PEBP4: variants seen among roughly 807,000 people sequenced by gnomAD.
PEBP4 encodes the protein phosphatidylethanolamine-binding protein 4.
Under a neutral mutation model 23.9 loss-of-function variants are expected in PEBP4, and 22 were observed. The observed-to-expected ratio is 0.92, with a 90% CI of 0.66 to 1.31. The LOEUF (loss-of-function observed/expected upper bound fraction) is 1.31. PEBP4 is among the 40% of genes most tolerant of loss of function. PEBP4 has a pLI of 0.00. For synonymous variants in PEBP4, 112 were observed against 99.3 expected, an observed-to-expected ratio of 1.13 and a Z score of -0.76; for missense variants, 324 against 281.7, an observed-to-expected ratio of 1.15 and a Z score of -1.07.
At chr8:22,795,113 ATATATATGTGTG>A (rs1384478757) in intron 4 of PEBP4, among the ~76,000 whole-genome samples, 1 of 131,078 alleles carries the variant, frequency 7.6e-6, no homozygotes, top group African/African-American at 2.9e-5. Flanking sequence ...AAATTATTTT[ATATATATGTGTG>A]TATATATATG....
chr8:22,924,688 C>A, intron 2 of PEBP4: 1 of 985,358 alleles, frequency 1.0e-6, no homozygotes, highest in Non-Finnish European at 1.2e-6. Flanking sequence ...GGGGAGCTTG[C>A]AGGGCTGACT....
intron 3 of PEBP4, among the ~76,000 whole-genome samples, chr8:22,821,126 G>C (rs1806848836): frequency 2.0e-5 from 3 of 152,180 alleles, no homozygotes; most frequent in African/African-American, 7.2e-5. Context: ...CCAGGAGGGT[G>C]CAGTGAGCCA....
intron 3 of PEBP4, among the ~76,000 whole-genome samples, chr8:22,845,398 G>A (rs951962120): frequency 6.6e-6 from 1 of 152,072 alleles, no homozygotes; most frequent in Non-Finnish European, 1.5e-5. Flanking sequence ...TGCTGGGTGT[G>A]GTGGTGTGTG....
chr8:22,761,470 G>A (rs951267928), intron 4 of PEBP4, among the ~76,000 whole-genome samples: 2 of 152,168 alleles, frequency 1.3e-5, no homozygotes, highest in Non-Finnish European at 2.9e-5. Flanking sequence ...ATTTCCCAAC[G>A]TATCCCTCTG....
At position 22,814,650 on chromosome 8, in the gene PEBP4, T is replaced by G. The variant is rs115034877; in HGVS notation, c.357+2987A>C. 2.3e-3 allele frequency among the ~76,000 whole-genome samples: 352 copies of G among 152,314 alleles called. 3 individuals carry two copies. The highest frequency in any genetic ancestry group is 8.2e-3 in the African/African-American group (343 of 41,580). ...GGGTCAGCTGAAGTTCCACCAAGTT[T>G]GCTTCTGTGGTCATTGTGAACCACA... On this transcript the variant is annotated intron_variant, in intron 4 of 6. Coordinates refer to ENST00000256404, the MANE Select transcript of PEBP4 (RefSeq NM_144962.3).
chr8:22,940,470 C>T (rs190052278), intron 1 of PEBP4, among the ~76,000 whole-genome samples: 5 of 150,444 alleles, frequency 3.3e-5, no homozygotes, highest in African/African-American at 1.2e-4. Context: ...TTGGAAACAC[C>T]ACCTTTACCA....
chr8:22,747,577 G>A (rs539094201), intron 4 of PEBP4: 1 of 151,888 alleles, frequency 6.6e-6, no homozygotes, highest in South Asian at 2.1e-4. Context: ...CAGGGTGAGT[G>A]GGGTGTGCAT....
At chr8:22,861,521 G>A (rs1240818724) in intron 3 of PEBP4, among the ~76,000 whole-genome samples, 2 of 152,184 alleles carry the variant, frequency 1.3e-5, no homozygotes, top group Non-Finnish European at 2.9e-5. Flanking sequence ...AAATGCAGGC[G>A]GGCAAACTCC....
intron 4 of PEBP4, among the ~76,000 whole-genome samples, chr8:22,759,821 C>A (rs1182164870): frequency 6.6e-6 from 1 of 152,202 alleles, no homozygotes; most frequent in African/African-American, 2.4e-5. Context: ...CTGGGAACAG[C>A]CTCCCAGGCT....
chr8:22,916,629 A>C lies in PEBP4; in HGVS notation c.258+3555T>G, dbSNP rs1585342562. Among the ~76,000 whole-genome samples the C allele has an allele frequency of 4.6e-5, 7 of 152,160 alleles. 1 individual carries two copies. The Middle Eastern group carries it at 0.024, about 518-fold the overall frequency. On this transcript the variant is annotated intron_variant, in intron 3 of 6. Coordinates refer to ENST00000256404, the MANE Select transcript of PEBP4 (RefSeq NM_144962.3). ...CACAGCTCATAGCTCACACTCCAGG[A>C]GATGCTCTCCCACATGTCATTCATT...
intron 3 of PEBP4, among the ~76,000 whole-genome samples, chr8:22,898,408 A>ACAAAC (rs1563253527): frequency 1.1e-5 from 1 of 91,428 alleles, no homozygotes; most frequent in African/African-American, 3.8e-5. Context: ...AAAAAAAAAA[A>ACAAAC]AAAAAAAAAA....
chr8:22,928,693 G>A (rs1382857312), upstream of PEBP4, among the ~76,000 whole-genome samples: 7 of 152,114 alleles, frequency 4.6e-5, no homozygotes, highest in African/African-American at 1.4e-4. Flanking sequence ...TGGGAGAGAC[G>A]TGCCAGCAAC....
intron 4 of PEBP4, among the ~76,000 whole-genome samples, chr8:22,765,017 G>A (rs534714641): frequency 3.3e-4 from 50 of 152,092 alleles, no homozygotes; most frequent in African/African-American, 6.3e-4. Flanking sequence ...TGCAAATCGC[G>A]GTTCTGCCAG....
chr8:22,716,001 T>A (rs1006224152), intron 6 of PEBP4, among the ~76,000 whole-genome samples: 3 of 152,098 alleles, frequency 2.0e-5, no homozygotes, highest in Admixed American at 2.0e-4. Context: ...CGCTGCTGTC[T>A]GTGCTTGGGC....
chr8:22,813,524 C>A (rs1160008573), intron 4 of PEBP4, among the ~76,000 whole-genome samples: 1 of 152,176 alleles, frequency 6.6e-6, no homozygotes, highest in East Asian at 1.9e-4. Flanking sequence ...GCTCTGAACA[C>A]TAACTTCAGA....
Position 22,743,268 on chromosome 8 carries a change from C to G in PEBP4, c.358-16048G>C, listed in dbSNP as rs762157159. On this transcript the variant is annotated intron_variant, in intron 4 of 6. Transcript: ENST00000256404. ...AGGCTACTGACCTCCTGGGCAGGAC[C>G]TCCTTCCCAGAAGCAGAAGCAGAGC... is the stretch of plus-strand genomic sequence containing the variant. Among the ~76,000 whole-genome samples, 231 of 151,832 alleles carry G rather than the reference C, an allele frequency of 1.5e-3. 1 individual carries two copies. The highest frequency in any genetic ancestry group is 1.7e-3 in the Non-Finnish European group (118 of 68,004).
chr8:22,839,721 G>T (rs1254156813), intron 3 of PEBP4, among the ~76,000 whole-genome samples: 2 of 152,132 alleles, frequency 1.3e-5, no homozygotes, highest in Non-Finnish European at 2.9e-5. Flanking sequence ...TGCTAAACAA[G>T]GCATAACTGA....
intron 3 of PEBP4, among the ~76,000 whole-genome samples, chr8:22,863,624 CT>C (rs1405222472): frequency 6.6e-6 from 1 of 152,198 alleles, no homozygotes; most frequent in Non-Finnish European, 1.5e-5. Flanking sequence ...CCCCTTCTCA[CT>C]GCTCTGATCT....
intron 6 of PEBP4, among the ~76,000 whole-genome samples, chr8:22,719,411 C>A (rs988186426): frequency 2.0e-5 from 3 of 152,206 alleles, no homozygotes; most frequent in African/African-American, 7.2e-5. Context: ...GTGAGGTGAC[C>A]GAGGTGTGGT....
Sources: allele counts gnomAD v4.1 joint callset (sites outside exome capture counted in the v4.1 genomes callset), GRCh38; gene constraint gnomAD v4.1.1; transcripts MANE v1.5; gene names NCBI Gene and HGNC (gene_info 2026-07-23, HGNC 2026-07-21).